NCAM2: variants seen among roughly 807,000 people sequenced by gnomAD.
The protein encoded by NCAM2 is N-CAM-2.
NCAM2 carries 30 observed loss-of-function variants against 98.1 expected under a neutral mutation model. That is an observed-to-expected ratio of 0.31 (90% CI 0.23 to 0.41). NCAM2 has a LOEUF of 0.41. NCAM2 is among the 10% of genes least tolerant of loss of function. NCAM2 has a pLI of 1.00. For synonymous variants in NCAM2, 368 were observed against 342.4 expected (o/e 1.07, Z -0.83); for missense variants, 867 against 1,005.8 (o/e 0.86, Z 1.87).
chr21:21,151,274 A>G (rs1365694542), intron 1 of NCAM2, among the ~76,000 whole-genome samples: 4 of 151,954 alleles, frequency 2.6e-5, no homozygotes, highest in Non-Finnish European at 4.4e-5. Context: ...TTTAATGTGT[A>G]TTTTTTATCA....
chr21:21,485,112 A>G (rs1182290968), intron 15 of NCAM2, among the ~76,000 whole-genome samples: 1 of 152,158 alleles, frequency 6.6e-6, no homozygotes, highest in Non-Finnish European at 1.5e-5. Flanking sequence ...ATATTTTATT[A>G]GATGTGTATC....
chr21:21,357,082 T>C (rs1053276515), intron 8 of NCAM2, among the ~76,000 whole-genome samples: 2 of 152,136 alleles, frequency 1.3e-5, no homozygotes, highest in Admixed American at 6.5e-5. Context: ...TAAACTACAT[T>C]TAAAATTAGT....
intron 5 of NCAM2, among the ~76,000 whole-genome samples, chr21:21,313,301 A>G (rs900172542): frequency 1.3e-4 from 20 of 151,888 alleles, no homozygotes; most frequent in African/African-American, 4.8e-4. Flanking sequence ...TTATTAGGCT[A>G]TCCCAAAGAG....
rs1176898540 is a variant in NCAM2, at chr21:21,286,240, T to C, written c.338-29T>C. On this transcript the variant is annotated intron_variant, in intron 3 of 17. Coordinates refer to ENST00000400546, the MANE Select transcript of NCAM2 (RefSeq NM_004540.5). ...CAATGATACTTTTGTGATTTGTGAT[T>C]TGTGATTTGTTTTACTTTGTTGATA... is the stretch of plus-strand genomic sequence containing the variant. 2.6e-6 allele frequency: 4 copies of C among 1,550,908 alleles called. 1 individual carries two copies. The South Asian group carries it at 3.5e-5, about 14-fold the overall frequency.
At chr21:21,029,236 A>G (rs7279850) in intron 1 of NCAM2, among the ~76,000 whole-genome samples, 81,121 of 152,012 alleles carry the variant, frequency 0.53, 22,026 homozygotes, top group East Asian at 0.74. Flanking sequence ...CCAAATTTCA[A>G]TTATCTTATT....
Position 21,052,109 on chromosome 21 carries a change from T to A in NCAM2, c.55+53491T>A, listed in dbSNP as rs1427968049. Among the ~76,000 whole-genome samples the A allele has an allele frequency of 2.6e-5, 4 of 151,230 alleles. No individual in the cohort carries two copies. The East Asian group carries it at 7.8e-4, about 29-fold the overall frequency. ...CAGTACAGAATTTTTTAACCAGGATTTTCGTAAGCTGTATCATGAGAACTC... is the reference window on the plus strand; with the variant it reads ...CAGTACAGAATTTTTTAACCAGGATATTCGTAAGCTGTATCATGAGAACTC... On this transcript the variant is annotated intron_variant, in intron 1 of 17. Coordinates refer to ENST00000400546, the MANE Select transcript of NCAM2 (RefSeq NM_004540.5).
chr21:21,108,683 T>A (rs1432766622), intron 1 of NCAM2, among the ~76,000 whole-genome samples: 3 of 152,126 alleles, frequency 2.0e-5, no homozygotes, highest in African/African-American at 7.2e-5. Context: ...TTTCTTGCAT[T>A]CCTTGGTTTA....
At chr21:21,266,018 G>A (rs2147392573) in intron 1 of NCAM2, among the ~76,000 whole-genome samples, 1 of 152,140 alleles carries the variant, frequency 6.6e-6, no homozygotes, top group Non-Finnish European at 1.5e-5. Flanking sequence ...TTTTGATTTT[G>A]AAGCCTATCT....
chr21:21,246,508 T>C (rs563142572), intron 1 of NCAM2, among the ~76,000 whole-genome samples: 6 of 152,254 alleles, frequency 3.9e-5, no homozygotes, highest in South Asian at 2.1e-4. Flanking sequence ...TACAGAAATA[T>C]GTTTGAAAAT....
rs75268456 is a variant in NCAM2, at chr21:21,506,841, C to G, written c.2078-2010C>G. On this transcript the variant is annotated intron_variant, in intron 15 of 17. Coordinates refer to ENST00000400546, the MANE Select transcript of NCAM2 (RefSeq NM_004540.5). ...TTTTTTCACTACCTTGTGTTTATCA[C>G]TAGTTTTTCTTCATGAAAAACAAAA... is the stretch of plus-strand genomic sequence containing the variant. Among the ~76,000 whole-genome samples, 1,170 of 152,064 alleles carry G rather than the reference C, an allele frequency of 7.7e-3. 17 individuals carry two copies. Among genetic ancestry groups the G allele is most frequent in the African/African-American group, 0.027 (1,124 of 41,506 alleles).
chr21:21,184,790 A>C (rs535218557), intron 1 of NCAM2, among the ~76,000 whole-genome samples: 1 of 152,188 alleles, frequency 6.6e-6, no homozygotes, highest in East Asian at 1.9e-4. Context: ...AATGAAATGA[A>C]TCAGCATTGA....
chr21:21,317,853 T>C (rs919109032), intron 5 of NCAM2, among the ~76,000 whole-genome samples: 65 of 152,260 alleles, frequency 4.3e-4, no homozygotes, highest in African/African-American at 1.5e-3. Context: ...AAACTTGAAT[T>C]ACCAACTTGT....
At chr21:21,491,283 A>G (rs1020706972) in intron 15 of NCAM2, among the ~76,000 whole-genome samples, 1 of 151,932 alleles carries the variant, frequency 6.6e-6, no homozygotes, top group African/African-American at 2.4e-5. Flanking sequence ...CATATATTTC[A>G]ATAAAACACA....
chr21:21,074,177 T>C (rs1454794248), intron 1 of NCAM2, among the ~76,000 whole-genome samples: 2 of 152,116 alleles, frequency 1.3e-5, no homozygotes, highest in Non-Finnish European at 2.9e-5. Flanking sequence ...ATGCTATATT[T>C]CTGTCCGTCA....
rs1228192953 is a variant in NCAM2, at chr21:21,464,323, T to C, written c.1655-2283T>C. ...GGCCTTAGGACAGCCAATATGATGT[T>C]ATAGCACAGTCTGTGTTCTATTGCA... On this transcript the variant is annotated intron_variant, in intron 12 of 17. Transcript: ENST00000400546. Among the ~76,000 whole-genome samples the C allele has an allele frequency of 2.0e-5, 3 of 152,144 alleles. No individual in the cohort carries two copies. In the South Asian group the frequency reaches 6.2e-4, roughly 32 times the overall value.
At chr21:21,301,158 G>A (rs1205571038) in intron 5 of NCAM2, among the ~76,000 whole-genome samples, 1 of 151,990 alleles carries the variant, frequency 6.6e-6, no homozygotes, top group African/African-American at 2.4e-5. Flanking sequence ...GGCATACTTT[G>A]TGAATATTTC....
At chr21:21,467,455 C>G (rs1041928630) in intron 13 of NCAM2, among the ~76,000 whole-genome samples, 1 of 65,070 alleles carries the variant, frequency 1.5e-5, no homozygotes, top group Non-Finnish European at 3.9e-5. Flanking sequence ...TTAGGACAGT[C>G]AAAATGGCTG....
chr21:21,452,173 C>A (rs1365812075), intron 12 of NCAM2, among the ~76,000 whole-genome samples: 10 of 89,278 alleles, frequency 1.1e-4, no homozygotes, highest in Non-Finnish European at 2.1e-4. Flanking sequence ...ACTGACCACA[C>A]ACACACACAC....
chr21:21,362,589 A>G (rs1050854993), intron 8 of NCAM2, among the ~76,000 whole-genome samples: 3 of 152,096 alleles, frequency 2.0e-5, no homozygotes, highest in Non-Finnish European at 4.4e-5. Context: ...TAATGAATCA[A>G]TGAAATTTCA....
Sources: allele counts gnomAD v4.1 joint callset (sites outside exome capture counted in the v4.1 genomes callset), GRCh38; gene constraint gnomAD v4.1.1; transcripts MANE v1.5; gene names NCBI Gene and HGNC (gene_info 2026-07-23, HGNC 2026-07-21).